The following SIL1 variants were observed in gnomAD, a reference collection of about 807,000 sequenced individuals.
SIL1 encodes the protein SIL1 nucleotide exchange factor, also known as nucleotide exchange factor SIL1.
A neutral mutation model predicts 49.1 loss-of-function variants in SIL1; 40 were observed. The ratio of observed to expected loss-of-function variants is 0.81; its 90% CI spans 0.63 to 1.06. The LOEUF is 1.06. Ranked by LOEUF, SIL1 falls within the 50% of genes least tolerant of loss-of-function variation. The pLI, the probability that SIL1 is intolerant of heterozygous loss-of-function variation, is 0.00. For missense variants in SIL1, 500 were observed against 572.6 expected (o/e 0.87, Z 1.29); for synonymous variants, 253 against 250.8 (o/e 1.01, Z -0.08).
intron 1 of SIL1, chr5:139,155,466 A>AGAGAGAGAGAGAGAGAGAGAGAGG (rs1215763470): frequency 3.3e-5 from 5 of 152,010 alleles, no homozygotes; most frequent in South Asian, 2.1e-4. Context: ...AGAGAGAGAG[A>AGAGAGAGAGAGAGAGAGAGAGAGG]GAGAGAGAGA....
At chr5:139,117,745 C>T (rs1317675537) in intron 3 of SIL1, among the ~76,000 whole-genome samples, 1 of 152,178 alleles carries the variant, frequency 6.6e-6, no homozygotes, top group Non-Finnish European at 1.5e-5. Flanking sequence ...CTTCTAGGAA[C>T]AAGCAGCTCC....
intron 1 of SIL1, among the ~76,000 whole-genome samples, chr5:139,151,579 G>C (rs182705958): frequency 1.4e-3 from 210 of 152,282 alleles, no homozygotes; most frequent in Middle Eastern, 3.4e-3. Context: ...TCATCTCCTT[G>C]ATTAAAAATT....
intron 7 of SIL1, among the ~76,000 whole-genome samples, chr5:138,992,594 A>G (rs996366297): frequency 6.6e-6 from 1 of 152,312 alleles, no homozygotes; most frequent in Non-Finnish European, 1.5e-5. Flanking sequence ...CACATAAGAA[A>G]TAGAGTAATT....
chr5:139,042,516 A>G, intron 5 of SIL1, 104 bp downstream of exon 5: 1 of 942,404 alleles, frequency 1.1e-6, no homozygotes, highest in Non-Finnish European at 1.8e-6. Context: ...CAATATTGTT[A>G]TCCCATGTTT....
At chr5:139,010,426 G>A (rs1196005894) in intron 7 of SIL1, among the ~76,000 whole-genome samples, 1 of 151,536 alleles carries the variant, frequency 6.6e-6, no homozygotes, top group East Asian at 1.9e-4. Context: ...CCATAGCTCA[G>A]AGTAATTTGA....
intron 7 of SIL1, among the ~76,000 whole-genome samples, chr5:138,960,444 G>C (rs890003318): frequency 1.5e-5 from 2 of 129,482 alleles, no homozygotes; most frequent in Non-Finnish European, 3.1e-5. Flanking sequence ...TTGATTCAGA[G>C]TCTCACCTCA....
At chr5:139,053,059 C>T (rs1046648890) in intron 3 of SIL1, among the ~76,000 whole-genome samples, 2 of 152,182 alleles carry the variant, frequency 1.3e-5, no homozygotes, top group Non-Finnish European at 2.9e-5. Flanking sequence ...ACTATGATCA[C>T]AGGGCAAGAG....
chr5:138,973,061 G>T (rs1249592581), intron 7 of SIL1, among the ~76,000 whole-genome samples: 3 of 152,228 alleles, frequency 2.0e-5, no homozygotes, highest in Middle Eastern at 6.8e-3. Context: ...CCTGCCACCT[G>T]GCTGAAGGGA....
intron 3 of SIL1, among the ~76,000 whole-genome samples, chr5:139,073,669 C>T (rs1028696903): frequency 3.9e-5 from 6 of 152,046 alleles, no homozygotes; most frequent in African/African-American, 1.5e-4. Flanking sequence ...TGGCTGGGTG[C>T]AGTTGCTCAC....
chr5:139,151,028 G>A (rs1473581872), intron 1 of SIL1, among the ~76,000 whole-genome samples: 2 of 152,142 alleles, frequency 1.3e-5, no homozygotes, highest in Non-Finnish European at 2.9e-5. Context: ...TTTTCAGGAG[G>A]AGGATGCTGG....
chr5:139,050,857 A>T, intron 4 of SIL1, 81 bp downstream of exon 4: 1 of 1,171,960 alleles, frequency 8.5e-7, no homozygotes, highest in Non-Finnish European at 1.3e-6. Context: ...AAGCCACATG[A>T]ATTTGGGTAA....
intron 1 of SIL1, among the ~76,000 whole-genome samples, chr5:139,158,953 G>C (rs1751455499): frequency 6.6e-6 from 1 of 152,128 alleles, no homozygotes; most frequent in South Asian, 2.1e-4. Context: ...GAGACTCTCT[G>C]ACATCTTGCT....
At chr5:139,050,225 T>C (rs1026958873) in intron 4 of SIL1, among the ~76,000 whole-genome samples, 1 of 152,220 alleles carries the variant, frequency 6.6e-6, no homozygotes, top group Admixed American at 6.5e-5. Flanking sequence ...CTGGTCCCTG[T>C]GTTAGAAATT....
At chr5:139,086,302 A>AAGC (rs1770219796) in intron 3 of SIL1, among the ~76,000 whole-genome samples, 2 of 150,616 alleles carry the variant, frequency 1.3e-5, no homozygotes, top group Admixed American at 1.3e-4. Context: ...GAAGAAGAAG[A>AAGC]AGCAATTTGC....
chr5:139,190,667 G>A (rs981691800), intron 1 of SIL1, among the ~76,000 whole-genome samples: 10 of 152,182 alleles, frequency 6.6e-5, no homozygotes, highest in East Asian at 3.9e-4. Flanking sequence ...AGTTTTTGTC[G>A]TCAGAAAAAT....
intron 1 of SIL1, among the ~76,000 whole-genome samples, chr5:139,143,304 T>TACACACACAC (rs1351115706): frequency 1.8e-4 from 13 of 73,014 alleles, no homozygotes; most frequent in African/African-American, 9.6e-4. Flanking sequence ...TATATACATA[T>TACACACACAC]ATACACACAC....
intron 7 of SIL1, chr5:139,014,356 A>G (rs1056846426): frequency 2.2e-5 from 3 of 139,050 alleles, no homozygotes; most frequent in Non-Finnish European, 4.6e-5. Context: ...AACAAGAGTG[A>G]AACTTCGTCT....
chr5:139,096,950 G>GGAGCCCACTGCGCT (rs1770479973), intron 3 of SIL1, among the ~76,000 whole-genome samples: 1 of 152,032 alleles, frequency 6.6e-6, no homozygotes, highest in Non-Finnish European at 1.5e-5. Context: ...GGGCCAGAAG[G>GGAGCCCACTGCGCT]GAGCCCACTG....
chr5:138,992,007 C>T (rs1451928927), intron 7 of SIL1, among the ~76,000 whole-genome samples: 1 of 152,234 alleles, frequency 6.6e-6, no homozygotes, highest in Non-Finnish European at 1.5e-5. Context: ...AGGTACTGGA[C>T]TCCTGATGAG....
Sources: gnomAD v4.1 joint callset for allele counts (sites outside exome capture counted in the v4.1 genomes callset) on GRCh38, gnomAD v4.1.1 for gene constraint, MANE v1.5 for transcripts, NCBI Gene and HGNC (gene_info 2026-07-23, HGNC 2026-07-21) for gene names.